Variants in COBLL1 observed in about 807,000 individuals in gnomAD.
COBLL1 encodes cordon-bleu WH2 repeat protein like 1.
In COBLL1, 50 loss-of-function variants were observed where a neutral mutation model predicts 94.8. The observed-to-expected ratio is 0.53, with a 90% confidence interval of 0.42 to 0.67. COBLL1 has a LOEUF of 0.67. Ranked by LOEUF, COBLL1 falls within the 30% of genes least tolerant of loss-of-function variation. The pLI, the probability that COBLL1 is intolerant of heterozygous loss-of-function variation, is 0.00. For synonymous variants in COBLL1, 448 were observed against 473.8 expected (o/e 0.95, Z 0.71); for missense variants, 1,362 against 1,348.7 (o/e 1.01, Z -0.15).
intron 3 of COBLL1, among the ~76,000 whole-genome samples, chr2:164,739,135 T>G (rs3820987): frequency 6.6e-6 from 1 of 152,020 alleles, no homozygotes; most frequent in African/African-American, 2.4e-5. Context: ...AGTAGAGACA[T>G]GGTGACTTTT....
intron 2 of COBLL1, chr2:164,800,605 T>C: frequency 1.4e-6 from 1 of 699,866 alleles, no homozygotes; most frequent in East Asian, 2.7e-5. Context: ...ATGAAAATAC[T>C]GTACTTGAAT....
At position 164,694,519 on chromosome 2, in the gene COBLL1, A is replaced by C; in HGVS notation, c.2873T>G (p.Ile958Ser). ...TTGTGTGGATACCTGACTAGCAGGA[A>C]TTGTCACAGGTTTTGGAGCTATGGG... The part of the protein sequence containing the change: ...PPPIAPKPVT[I>S]PASQVSTQNL... Residue 958 changes from isoleucine to serine, a missense_variant, in exon 12 of 14, where the codon ATT becomes AGT. Ile to Ser is a moderately radical substitution (Grantham distance 142). Transcript: ENST00000652658. 1 of 1,614,004 alleles carries C rather than the reference A, an allele frequency of 6.2e-7. No individual in the cohort carries two copies. The highest frequency in any genetic ancestry group is 1.1e-5 in the South Asian group (1 of 91,080).
chr2:164,670,989 C>T (rs899763248), intron 1 of COBLL1, among the ~76,000 whole-genome samples: 36 of 152,218 alleles, frequency 2.4e-4, no homozygotes, highest in African/African-American at 8.4e-4. Context: ...GTAAAATAGG[C>T]GTTATTAGTC....
intron 2 of COBLL1, among the ~76,000 whole-genome samples, chr2:164,746,571 C>T (rs1446267457): frequency 1.3e-5 from 2 of 152,066 alleles, no homozygotes; most frequent in Admixed American, 6.6e-5. Context: ...CCAAATACCC[C>T]CAATAAACCC....
chr2:164,753,393 C>T (rs998159125), intron 2 of COBLL1, among the ~76,000 whole-genome samples: 8 of 151,980 alleles, frequency 5.3e-5, no homozygotes, highest in African/African-American at 1.9e-4. Context: ...TCCATAGTCC[C>T]ATCAATTACA....
chr2:164,827,139 G>A (rs933299035), intron 2 of COBLL1, among the ~76,000 whole-genome samples: 12 of 151,942 alleles, frequency 7.9e-5, no homozygotes, highest in African/African-American at 2.9e-4. Context: ...AGTAGAGACG[G>A]GGATTCCCCA....
intron 2 of COBLL1, among the ~76,000 whole-genome samples, chr2:164,770,642 T>C (rs1477703216): frequency 6.6e-6 from 1 of 152,106 alleles, no homozygotes; most frequent in Non-Finnish European, 1.5e-5. Flanking sequence ...GTAAAATCCA[T>C]TGCAATTCTT....
At chr2:164,749,628 G>A (rs1156473600) in intron 2 of COBLL1, among the ~76,000 whole-genome samples, 1 of 151,982 alleles carries the variant, frequency 6.6e-6, no homozygotes, top group Non-Finnish European at 1.5e-5. Flanking sequence ...TTCAGAAGTG[G>A]GCATAACATT....
chr2:164,723,474 A>G (rs1685558718), intron 5 of COBLL1: 1 of 152,182 alleles, frequency 6.6e-6, no homozygotes. Context: ...CAAAGAATCT[A>G]CAAGATAAAC....
intron 2 of COBLL1, among the ~76,000 whole-genome samples, chr2:164,792,502 T>C (rs1179185915): frequency 1.3e-5 from 2 of 152,102 alleles, no homozygotes; most frequent in South Asian, 4.1e-4. Flanking sequence ...AATAGGATCA[T>C]GACTAAGAAA....
At chr2:164,827,943 A>G (rs1394751847) in intron 2 of COBLL1, among the ~76,000 whole-genome samples, 1 of 152,170 alleles carries the variant, frequency 6.6e-6, no homozygotes, top group African/African-American at 2.4e-5. Context: ...TGAAATGCAC[A>G]TTTCTTTCAA....
intron 2 of COBLL1, among the ~76,000 whole-genome samples, chr2:164,747,954 A>G (rs189055939): frequency 2.0e-4 from 30 of 152,248 alleles, no homozygotes; most frequent in African/African-American, 7.2e-4. Context: ...ATAATACAAA[A>G]CGAAAAAGAA....
At chr2:164,704,131 T>G (rs1187844703) in intron 9 of COBLL1, among the ~76,000 whole-genome samples, 5 of 152,140 alleles carry the variant, frequency 3.3e-5, no homozygotes, top group African/African-American at 1.2e-4. Flanking sequence ...AATTACGGTG[T>G]GTCATTACAC....
intron 1 of COBLL1, among the ~76,000 whole-genome samples, chr2:164,670,598 T>C (rs1182620396): frequency 6.6e-6 from 1 of 152,242 alleles, no homozygotes; most frequent in African/African-American, 2.4e-5. Context: ...GAATTCCATC[T>C]ACTTTTAATT....
chr2:164,727,730 T>C (rs929109113), intron 5 of COBLL1, among the ~76,000 whole-genome samples: 5 of 151,688 alleles, frequency 3.3e-5, no homozygotes, highest in East Asian at 1.9e-4. Flanking sequence ...TTGTGGATGA[T>C]GGCTAAAAAG....
intron 2 of COBLL1, among the ~76,000 whole-genome samples, chr2:164,788,309 G>T (rs562178491): frequency 6.6e-6 from 1 of 152,276 alleles, no homozygotes; most frequent in Admixed American, 6.5e-5. Context: ...CTGATGTGCA[G>T]ATGTGACATT....
intron 2 of COBLL1, among the ~76,000 whole-genome samples, chr2:164,658,970 AC>A (rs954258563): frequency 6.6e-6 from 1 of 151,796 alleles, no homozygotes; most frequent in Non-Finnish European, 1.5e-5. Flanking sequence ...CTTTCTGATG[AC>A]CCCAGCAGTG....
chr2:164,819,273 G>A (rs560942577), intron 2 of COBLL1, among the ~76,000 whole-genome samples: 20 of 152,180 alleles, frequency 1.3e-4, no homozygotes, highest in African/African-American at 3.1e-4. Context: ...AACATAGGTC[G>A]TAAAGCATCA....
rs757752971 is a variant in COBLL1 at position 164,700,880 on chromosome 2, A to T, written c.1226-124T>A. The T allele has an allele frequency of 7.8e-6, 5 of 643,626 alleles. No homozygotes were observed. In the Admixed American group the frequency reaches 1.5e-4, roughly 19 times the overall value. The allele number at this position is 643,626 out of a possible 1,614,324, so 39.9% of individuals were successfully genotyped here. On this transcript the variant is annotated intron_variant, in intron 9 of 13. Coordinates refer to ENST00000652658, the MANE Select transcript of COBLL1 (RefSeq NM_001365672.2). ...GACTCTTTTAAATTCTGCCTCAAAA[A>T]TAATAGTGAAGTTCTTTCTCCTGGT... is the stretch of plus-strand genomic sequence containing the variant.
Sources: allele counts gnomAD v4.1 joint callset (sites outside exome capture counted in the v4.1 genomes callset), GRCh38; gene constraint gnomAD v4.1.1; transcripts MANE v1.5; gene names NCBI Gene and HGNC (gene_info 2026-07-23, HGNC 2026-07-21).